ELMO1: variants seen among roughly 807,000 people sequenced by gnomAD.
ELMO1 encodes engulfment and cell motility protein 1.
ELMO1 carries 26 observed loss-of-function variants against 98.9 expected under a neutral mutation model. The observed-to-expected ratio is 0.26, with a 90% CI of 0.19 to 0.36. The LOEUF is 0.36. ELMO1 is among the 10% of genes least tolerant of loss of function. The pLI is 1.00. For missense variants in ELMO1, 627 were observed against 935.2 expected (o/e 0.67, Z 4.30); for synonymous variants, 346 against 346.0 (o/e 1.00, Z 0.00).
intron 16 of ELMO1, among the ~76,000 whole-genome samples, chr7:37,004,397 G>A (rs1349489323): frequency 6.6e-6 from 1 of 152,214 alleles, no homozygotes; most frequent in African/African-American, 2.4e-5. Flanking sequence ...GTTATGGAAA[G>A]CAGTTAACCT....
intron 16 of ELMO1, among the ~76,000 whole-genome samples, chr7:36,940,698 T>C (rs1182615567): frequency 6.6e-6 from 1 of 152,170 alleles, no homozygotes; most frequent in African/African-American, 2.4e-5. Flanking sequence ...TTAGTAACAA[T>C]AATAATGACA....
rs557612896 is a variant in ELMO1, at chr7:37,257,096, T to C, written c.413+2085A>G. Among the ~76,000 whole-genome samples the C allele has an allele frequency of 2.0e-5, 3 of 152,320 alleles. No individual in the cohort carries two copies. In the South Asian group the frequency reaches 6.2e-4, roughly 32 times the overall value. ...GGCAGGGGCAGCCTCCTGCTCATCCTAGCAGGCATTCAGCATTCAGTGGTT... is the reference window on the plus strand; with the variant it reads ...GGCAGGGGCAGCCTCCTGCTCATCCCAGCAGGCATTCAGCATTCAGTGGTT... On this transcript the variant is annotated intron_variant, in intron 6 of 21. Coordinates refer to ENST00000310758, the MANE Select transcript of ELMO1 (RefSeq NM_014800.11).
intron 13 of ELMO1, among the ~76,000 whole-genome samples, chr7:37,136,657 T>A (rs987560974): frequency 6.6e-6 from 1 of 151,854 alleles, no homozygotes; most frequent in Non-Finnish European, 1.5e-5. Flanking sequence ...TACAGTCTTT[T>A]CCAAACAAAC....
At chr7:37,440,040 A>G (rs928035351) in intron 1 of ELMO1, among the ~76,000 whole-genome samples, 2 of 152,000 alleles carry the variant, frequency 1.3e-5, no homozygotes, top group African/African-American at 4.8e-5. Flanking sequence ...AGCACTTATT[A>G]TTTAATATAT....
At chr7:37,207,840 A>AAAACAAAC (rs542104398) in intron 13 of ELMO1, among the ~76,000 whole-genome samples, 5 of 152,130 alleles carry the variant, frequency 3.3e-5, no homozygotes, top group Non-Finnish European at 2.9e-5. Context: ...AACTCTACCA[A>AAAACAAAC]AAACAAACAA....
intron 19 of ELMO1, 57 bp downstream of exon 19, chr7:36,877,953 G>T: frequency 7.6e-7 from 1 of 1,313,574 alleles, no homozygotes; most frequent in Non-Finnish European, 1.1e-6. Context: ...GATATATTGT[G>T]ACTAGGAAAC....
intron 13 of ELMO1, among the ~76,000 whole-genome samples, chr7:37,163,818 A>G (rs553208784): frequency 6.6e-6 from 1 of 152,340 alleles, no homozygotes; most frequent in Admixed American, 6.5e-5. Context: ...GTGTCTTTAT[A>G]GCAGCATGAC....
At chr7:37,273,240 A>T (rs568070949) in intron 4 of ELMO1, among the ~76,000 whole-genome samples, 3 of 152,316 alleles carry the variant, frequency 2.0e-5, no homozygotes, top group Admixed American at 6.5e-5. Flanking sequence ...TGTCCCCACC[A>T]AACTCTCATC....
chr7:37,124,102 T>G (rs1340370729), intron 14 of ELMO1, among the ~76,000 whole-genome samples: 1 of 152,176 alleles, frequency 6.6e-6, no homozygotes, highest in Non-Finnish European at 1.5e-5. Flanking sequence ...TGCTAAAAAC[T>G]CTCAATAAAT....
chr7:37,155,161 C>G (rs1228963005), intron 13 of ELMO1, among the ~76,000 whole-genome samples: 1 of 152,124 alleles, frequency 6.6e-6, no homozygotes, highest in Admixed American at 6.5e-5. Flanking sequence ...AAAGGAAGCA[C>G]TAAACATGGA....
chr7:37,062,506 T>C (rs953707203), intron 15 of ELMO1, among the ~76,000 whole-genome samples: 4 of 152,192 alleles, frequency 2.6e-5, no homozygotes, highest in Non-Finnish European at 5.9e-5. Context: ...TCACCGAGTG[T>C]ATATTATGAC....
intron 13 of ELMO1, among the ~76,000 whole-genome samples, chr7:37,195,823 C>G (rs2160431): frequency 0.99 from 151,287 of 152,322 alleles, 75,142 homozygotes; most frequent in East Asian, 1. Flanking sequence ...GCTCATAAGT[C>G]ACAGGGAAGG....
intron 1 of ELMO1, among the ~76,000 whole-genome samples, chr7:37,384,570 A>T (rs1284066262): frequency 2.0e-5 from 3 of 152,136 alleles, no homozygotes; most frequent in Non-Finnish European, 4.4e-5. Context: ...AATACAAAAA[A>T]TTAGCCGGGC....
chr7:36,981,649 G>T (rs1259963164), intron 16 of ELMO1, among the ~76,000 whole-genome samples: 1 of 152,104 alleles, frequency 6.6e-6, no homozygotes, highest in African/African-American at 2.4e-5. Flanking sequence ...GGGCCAGAGA[G>T]CACAGTAAAT....
At chr7:36,884,420 T>G (rs181025604) in intron 18 of ELMO1, among the ~76,000 whole-genome samples, 3 of 152,318 alleles carry the variant, frequency 2.0e-5, no homozygotes, top group African/African-American at 7.2e-5. Context: ...GTGCTATAGA[T>G]GTATAATTTT....
chr7:36,938,544 A>G (rs1031765444), intron 16 of ELMO1, among the ~76,000 whole-genome samples: 1 of 152,274 alleles, frequency 6.6e-6, no homozygotes, highest in African/African-American at 2.4e-5. Flanking sequence ...TGAGTCTCAC[A>G]TTAAAAAGTT....
chr7:37,129,082 A>C (rs1421453765), intron 14 of ELMO1, among the ~76,000 whole-genome samples: 1 of 151,866 alleles, frequency 6.6e-6, no homozygotes, highest in African/African-American at 2.4e-5. Flanking sequence ...GAACGGGAGC[A>C]AAGACACAGT....
chr7:37,114,488 A>G (rs1235613954), intron 14 of ELMO1, among the ~76,000 whole-genome samples: 1 of 152,194 alleles, frequency 6.6e-6, no homozygotes, highest in Non-Finnish European at 1.5e-5. Context: ...ATTGAGCCAG[A>G]GACTTTAGTC....
At chr7:37,062,381 T>C (rs530000790) in intron 15 of ELMO1, among the ~76,000 whole-genome samples, 1 of 152,300 alleles carries the variant, frequency 6.6e-6, no homozygotes, top group East Asian at 1.9e-4. Context: ...TTTTTCTCTC[T>C]AAATTTCTTA....
Sources: gnomAD v4.1 joint callset for allele counts (sites outside exome capture counted in the v4.1 genomes callset) on GRCh38, gnomAD v4.1.1 for gene constraint, MANE v1.5 for transcripts, NCBI Gene and HGNC (gene_info 2026-07-23, HGNC 2026-07-21) for gene names.